Variants in FMN1 observed in about 807,000 individuals in gnomAD.
FMN1 encodes the protein formin-1.
Under a neutral mutation model 132.4 loss-of-function variants are expected in FMN1, and 110 were observed. The ratio of observed to expected loss-of-function variants is 0.83; its 90% CI spans 0.71 to 0.97. The LOEUF (loss-of-function observed/expected upper bound fraction) is 0.97. FMN1 is among the 50% of genes least tolerant of loss of function. The probability of loss-of-function intolerance (pLI) is 0.00; values close to 1 mark genes in which losing one functional copy is unlikely to be tolerated. For synonymous variants in FMN1, 722 were observed against 651.7 expected (o/e 1.11, Z -1.64); for missense variants, 1,792 against 1,705.3 (o/e 1.05, Z -0.90).
chr15:33,162,012 T>A (rs1237113571), intron 3 of FMN1, among the ~76,000 whole-genome samples: 1 of 152,138 alleles, frequency 6.6e-6, no homozygotes, highest in Non-Finnish European at 1.5e-5. Context: ...TGCTTTCCTT[T>A]TTGTTTTTCT....
intron 16 of FMN1, among the ~76,000 whole-genome samples, chr15:32,862,256 G>C (rs2141322217): frequency 6.6e-6 from 1 of 152,178 alleles, no homozygotes; most frequent in South Asian, 2.1e-4. Context: ...GATATTGCTA[G>C]ACCACCAAGG....
At chr15:32,944,696 C>A (rs527628932) in intron 9 of FMN1, among the ~76,000 whole-genome samples, 1 of 151,814 alleles carries the variant, frequency 6.6e-6, no homozygotes, top group African/African-American at 2.4e-5. Context: ...AAACCCTTTT[C>A]TTGTTTTTCA....
chr15:33,025,900 T>A (rs1343953821), intron 6 of FMN1, among the ~76,000 whole-genome samples: 1 of 152,174 alleles, frequency 6.6e-6, no homozygotes. Context: ...GGAGGCACGA[T>A]TTAAAATGCA....
intron 4 of FMN1, among the ~76,000 whole-genome samples, chr15:33,127,902 C>G (rs1421720005): frequency 6.6e-6 from 1 of 150,712 alleles, no homozygotes; most frequent in Admixed American, 6.7e-5. Context: ...CTTTATTCTA[C>G]AACAAATGGA....
intron 4 of FMN1, among the ~76,000 whole-genome samples, chr15:33,107,745 A>G (rs2039541844): frequency 6.6e-6 from 1 of 152,110 alleles, no homozygotes; most frequent in Non-Finnish European, 1.5e-5. Flanking sequence ...CGTACTTATC[A>G]TTACCTGAAA....
At chr15:33,147,034 G>A (rs1210851838) in intron 4 of FMN1, among the ~76,000 whole-genome samples, 1 of 151,918 alleles carries the variant, frequency 6.6e-6, no homozygotes, top group Non-Finnish European at 1.5e-5. Context: ...CTAGCCAGAT[G>A]CACACCTGTA....
chr15:33,178,310 A>C (rs1965583679), intron 3 of FMN1, among the ~76,000 whole-genome samples: 1 of 152,134 alleles, frequency 6.6e-6, no homozygotes, highest in South Asian at 2.1e-4. Context: ...TGCACTTAAC[A>C]TGTACCATCT....
At chr15:32,836,671 A>G (rs1360129570) in intron 17 of FMN1, among the ~76,000 whole-genome samples, 16 of 152,222 alleles carry the variant, frequency 1.1e-4, no homozygotes, top group Admixed American at 1.0e-3. Flanking sequence ...CCATTGCTTG[A>G]GCATACATCT....
intron 5 of FMN1, among the ~76,000 whole-genome samples, chr15:33,072,584 G>A (rs143720696): frequency 0.019 from 2,834 of 152,254 alleles, 58 homozygotes; most frequent in South Asian, 0.091. Context: ...CCTCTCAGCT[G>A]TACACAGATT....
intron 17 of FMN1, among the ~76,000 whole-genome samples, chr15:32,808,121 T>C (rs1833243099): frequency 6.6e-6 from 1 of 152,258 alleles, no homozygotes; most frequent in Admixed American, 6.5e-5. Context: ...GTTCTAGTTC[T>C]AGCTTTTCAA....
chr15:33,153,781 A>G lies in FMN1; in HGVS notation c.1134T>C (p.Ala378=). Residue 378 remains alanine (A), a synonymous_variant, in exon 4 of 21, where the codon GCT becomes GCC. Coordinates refer to ENST00000616417, the MANE Select transcript of FMN1 (RefSeq NM_001277313.2). ...CCTGCCGCCTGGAGCCATGAGCCCC[A>G]GCCTCAGCTCCCGGGAGGGTGAGCA... The part of the protein sequence containing the change: ...ADLLTLPGAE[A]GAHGSRRQGK... 1 of 1,536,288 alleles carries G rather than the reference A, an allele frequency of 6.5e-7. No homozygotes were observed. Among genetic ancestry groups the G allele is most frequent in the Non-Finnish European group, 8.7e-7 (1 of 1,146,954 alleles).
chr15:33,172,924 G>A (rs921432311), intron 3 of FMN1, among the ~76,000 whole-genome samples: 1 of 152,208 alleles, frequency 6.6e-6, no homozygotes, highest in Non-Finnish European at 1.5e-5. Context: ...AGGAAGAAGA[G>A]AATAGGGAAG....
intron 3 of FMN1, among the ~76,000 whole-genome samples, chr15:33,161,647 A>G (rs910309976): frequency 1.3e-5 from 2 of 152,186 alleles, no homozygotes; most frequent in African/African-American, 2.4e-5. Flanking sequence ...GGCTGGGCGC[A>G]GTGGCTCACG....
At chr15:33,185,509 T>G (rs925896574) in intron 2 of FMN1, among the ~76,000 whole-genome samples, 1 of 151,886 alleles carries the variant, frequency 6.6e-6, no homozygotes, top group African/African-American at 2.4e-5. Flanking sequence ...TTCCTTTACT[T>G]TTTAGAGAAG....
chr15:32,999,914 TAATCCC>T (rs1683715363), intron 7 of FMN1, among the ~76,000 whole-genome samples: 2 of 152,216 alleles, frequency 1.3e-5, no homozygotes, highest in Non-Finnish European at 2.9e-5. Flanking sequence ...GAAGTCCTAC[TAATCCC>T]ATGCTCAGGC....
intron 4 of FMN1, among the ~76,000 whole-genome samples, chr15:33,129,681 A>G (rs771365228): frequency 1.3e-5 from 2 of 152,168 alleles, no homozygotes; most frequent in African/African-American, 4.8e-5. Context: ...TCACTGGCAG[A>G]GCCAAGATAT....
intron 6 of FMN1, among the ~76,000 whole-genome samples, chr15:33,039,016 G>C (rs1408665961): frequency 4.6e-5 from 7 of 152,100 alleles, no homozygotes; most frequent in African/African-American, 7.2e-5. Context: ...ATTAAAACAG[G>C]CTCCCCAGAT....
At chr15:33,110,846 C>G (rs1390905366) in intron 4 of FMN1, among the ~76,000 whole-genome samples, 2 of 152,026 alleles carry the variant, frequency 1.3e-5, no homozygotes, top group African/African-American at 4.8e-5. Context: ...TTAAAATTTT[C>G]CCACATTAAA....
At chr15:33,100,729 A>G (rs941332343) in intron 4 of FMN1, among the ~76,000 whole-genome samples, 1 of 152,238 alleles carries the variant, frequency 6.6e-6, no homozygotes, top group Non-Finnish European at 1.5e-5. Context: ...ATTTAAGTAA[A>G]TGGAAGCTAA....
Sources: allele counts gnomAD v4.1 joint callset (sites outside exome capture counted in the v4.1 genomes callset), GRCh38; gene constraint gnomAD v4.1.1; transcripts MANE v1.5; gene names NCBI Gene and HGNC (gene_info 2026-07-23, HGNC 2026-07-21).